Variants in COG5 observed in about 807,000 individuals in gnomAD.
The protein encoded by COG5 is conserved oligomeric Golgi complex subunit 5.
In COG5, 86 loss-of-function variants were observed where a neutral mutation model predicts 110.4. That is an observed-to-expected ratio of 0.78 (90% CI 0.65 to 0.93). The LOEUF is 0.93. Among genes scored for constraint, COG5 ranks in the 40% least tolerant of loss-of-function variants. The pLI is 0.00. For synonymous variants in COG5, 360 were observed against 334.6 expected, an observed-to-expected ratio of 1.08 and a Z score of -0.83; for missense variants, 1,077 against 987.0, an observed-to-expected ratio of 1.09 and a Z score of -1.22.
chr7:107,407,325 T>C (rs910981577), intron 7 of COG5, among the ~76,000 whole-genome samples: 1 of 152,182 alleles, frequency 6.6e-6, no homozygotes, highest in Non-Finnish European at 1.5e-5. Flanking sequence ...GAGGTTTCAG[T>C]GAGCCGAGAT....
chr7:107,526,128 T>C (rs1210500953), intron 6 of COG5, among the ~76,000 whole-genome samples: 1 of 152,210 alleles, frequency 6.6e-6, no homozygotes, highest in Admixed American at 6.5e-5. Context: ...GTAATGTACA[T>C]TTCTCTGATA....
In COG5 at chr7:107,256,725, C is replaced by T. The variant is rs906116599; in HGVS notation, c.1749+7G>A. The T allele has an allele frequency of 8.8e-6, 14 of 1,597,482 alleles. No homozygotes were observed. The highest frequency in any genetic ancestry group is 3.4e-5 in the Admixed American group (2 of 59,656). ...GATCTATAGAGTCAAAGATTAAATT[C>T]TTTTACCTTTAGAGCTGAAATTATA... On this transcript the variant is annotated splice_region_variant and intron_variant, in intron 16 of 21. Coordinates refer to ENST00000297135, the MANE Select transcript of COG5 (RefSeq NM_006348.5).
At chr7:107,282,643 T>G (rs1246441507) in intron 13 of COG5, among the ~76,000 whole-genome samples, 1 of 152,116 alleles carries the variant, frequency 6.6e-6, no homozygotes, top group African/African-American at 2.4e-5. Context: ...TGCCTCAGCC[T>G]CCCGAGTAGC....
intron 12 of COG5, among the ~76,000 whole-genome samples, chr7:107,293,766 G>A (rs951765916): frequency 6.6e-6 from 1 of 151,818 alleles, no homozygotes; most frequent in Non-Finnish European, 1.5e-5. Context: ...CCAATTCCAC[G>A]ATTTAAAAAA....
chr7:107,308,090 TTC>T (rs1807890944), intron 11 of COG5, among the ~76,000 whole-genome samples: 1 of 152,248 alleles, frequency 6.6e-6, no homozygotes, highest in Non-Finnish European at 1.5e-5. Context: ...TAATCTGTAG[TTC>T]TCTCATTTTA....
At chr7:107,230,512 T>G in intron 19 of COG5, 103 bp downstream of exon 19, 2 of 849,896 alleles carry the variant, frequency 2.4e-6, no homozygotes, top group Non-Finnish European at 2.1e-6. Context: ...TTGTTGTAGA[T>G]CAAAAATGGT....
At chr7:107,324,345 T>C (rs1471082938) in intron 11 of COG5, 95 bp downstream of exon 11, 3 of 768,870 alleles carry the variant, frequency 3.9e-6, no homozygotes, top group Non-Finnish European at 6.4e-6. Flanking sequence ...GCAATAAAAA[T>C]GTTTTGTAAA....
At chr7:107,313,966 T>C (rs1280303742) in intron 11 of COG5, among the ~76,000 whole-genome samples, 4 of 152,170 alleles carry the variant, frequency 2.6e-5, no homozygotes, top group Non-Finnish European at 4.4e-5. Flanking sequence ...GGTACCATTA[T>C]TTAAAGTAGC....
chr7:107,284,905 A>G (rs1418501961), intron 12 of COG5, among the ~76,000 whole-genome samples: 1 of 152,172 alleles, frequency 6.6e-6, no homozygotes, highest in Non-Finnish European at 1.5e-5. Flanking sequence ...TCCTTCATCT[A>G]AAAAGTTAAC....
chr7:107,354,869 A>G (rs1017945231), intron 10 of COG5, among the ~76,000 whole-genome samples: 2 of 152,214 alleles, frequency 1.3e-5, no homozygotes, highest in African/African-American at 4.8e-5. Context: ...GTGGTAGCAA[A>G]TCATACCTAT....
chr7:107,241,131 T>C (rs1232267968), intron 17 of COG5, among the ~76,000 whole-genome samples: 1 of 152,214 alleles, frequency 6.6e-6, no homozygotes. Flanking sequence ...ATGTGTTATC[T>C]ACAGGCACTA....
chr7:107,448,840 T>C (rs1470001238), intron 6 of COG5, among the ~76,000 whole-genome samples: 1 of 152,046 alleles, frequency 6.6e-6, no homozygotes, highest in Non-Finnish European at 1.5e-5. Context: ...CCACACAGCC[T>C]AGAAATATCA....
At chr7:107,381,681 T>C (rs1463160315) in intron 7 of COG5, among the ~76,000 whole-genome samples, 1 of 152,146 alleles carries the variant, frequency 6.6e-6, no homozygotes. Flanking sequence ...TAAAGGAAAA[T>C]GTACAAGACT....
At position 107,558,879 on chromosome 7, in the gene COG5, C is replaced by T. The variant is rs527569903; in HGVS notation, c.95-764G>A. On this transcript the variant is annotated intron_variant, in intron 1 of 21. Coordinates refer to ENST00000297135, the MANE Select transcript of COG5 (RefSeq NM_006348.5). ...CTCCAGCCTGGGCGACAGAGCAAGA[C>T]TCTGTCCCAAAAAAAAAAAAAAAAG... Among the ~76,000 whole-genome samples the T allele has an allele frequency of 1.3e-4, 15 of 118,840 alleles. No homozygotes were observed. In the East Asian group the frequency reaches 4.0e-3, roughly 32 times the overall value. The allele number at this position is 118,840 out of a possible 152,430, so 78.0% of individuals were successfully genotyped here. A position where few individuals can be genotyped will look rare whatever the true frequency, so the allele number is the denominator to read the frequency against.
intron 10 of COG5, among the ~76,000 whole-genome samples, chr7:107,354,682 C>T (rs1301873548): frequency 6.6e-6 from 1 of 152,128 alleles, no homozygotes; most frequent in African/African-American, 2.4e-5. Context: ...GTCTCAACAA[C>T]AACAACAACA....
At chr7:107,480,237 A>G (rs1410608224) in intron 6 of COG5, among the ~76,000 whole-genome samples, 2 of 152,162 alleles carry the variant, frequency 1.3e-5, no homozygotes, top group Non-Finnish European at 2.9e-5. Flanking sequence ...TGAGAAGGTT[A>G]TATTTCAGAA....
intron 14 of COG5, among the ~76,000 whole-genome samples, chr7:107,277,908 A>T (rs1437657557): frequency 6.6e-6 from 1 of 152,222 alleles, no homozygotes; most frequent in Admixed American, 6.5e-5. Context: ...ATGTATTATT[A>T]TAAGTATATA....
At chr7:107,305,841 C>A (rs1002656321) in intron 11 of COG5, among the ~76,000 whole-genome samples, 2 of 151,958 alleles carry the variant, frequency 1.3e-5, no homozygotes, top group South Asian at 4.2e-4. Context: ...ATAGAGAGAC[C>A]GCCTGAGAGC....
Position 107,513,374 on chromosome 7 carries a change from C to A in COG5, c.538+13863G>T, listed in dbSNP as rs888193400. 7.2e-5 allele frequency among the ~76,000 whole-genome samples: 11 copies of A among 151,750 alleles called. 1 individual carries two copies. The highest frequency in any genetic ancestry group is 1.0e-4 in the Non-Finnish European group (7 of 67,832). On this transcript the variant is annotated intron_variant, in intron 6 of 21. Coordinates refer to ENST00000297135, the MANE Select transcript of COG5 (RefSeq NM_006348.5). ...TACCATCTCACACCAGTTAGAATGG[C>A]GATCATTAAAAAGTCAGGAAACAAC... is the stretch of plus-strand genomic sequence containing the variant.
Sources: gnomAD v4.1 joint callset for allele counts (sites outside exome capture counted in the v4.1 genomes callset) on GRCh38, gnomAD v4.1.1 for gene constraint, MANE v1.5 for transcripts, NCBI Gene and HGNC (gene_info 2026-07-23, HGNC 2026-07-21) for gene names.